The following ZFHX4 variants were observed in gnomAD, a reference collection of about 807,000 sequenced individuals.
The protein encoded by ZFHX4 is zinc finger homeobox protein 4.
Under a neutral mutation model 267.6 loss-of-function variants are expected in ZFHX4, and 56 were observed. That is an observed-to-expected ratio of 0.21 (90% confidence interval 0.17 to 0.26). The LOEUF is 0.26. ZFHX4 is among the 10% of genes least tolerant of loss of function. ZFHX4 has a pLI of 1.00. For missense variants in ZFHX4, 4,332 were observed against 4,420.0 expected (o/e 0.98, Z 0.56); for synonymous variants, 1,778 against 1,665.6 (o/e 1.07, Z -1.64).
chr8:76,815,753 G>C (rs373110088), intron 4 of ZFHX4, among the ~76,000 whole-genome samples: 1 of 152,024 alleles, frequency 6.6e-6, no homozygotes, highest in African/African-American at 2.4e-5. Context: ...CTCCCGCCTT[G>C]GTCTCCCAAA....
intron 3 of ZFHX4, among the ~76,000 whole-genome samples, chr8:76,759,752 T>TA (rs1334518979): frequency 6.6e-6 from 1 of 152,210 alleles, no homozygotes; most frequent in African/African-American, 2.4e-5. Context: ...AAGATGGAAA[T>TA]AAAAAATAAC....
At position 76,704,239 on chromosome 8, in the gene ZFHX4, C is replaced by T; in HGVS notation, c.151C>T (p.Leu51=). ...DRENSSTDDN[L]KTDERKSEAL... ...GGAAAACAGCTCCACAGATGACAAC[C>T]TGAAAACGGATGAGCGCAAAAGTGA... Residue 51 remains leucine (L), a synonymous_variant, in exon 2 of 11, where the codon CTG becomes TTG. Transcript: ENST00000651372. The T allele has an allele frequency of 6.2e-7, 1 of 1,613,964 alleles. No individual in the cohort carries two copies. The highest frequency in any genetic ancestry group is 1.1e-5 in the South Asian group (1 of 91,080).
At chr8:76,795,983 C>T (rs1053130087) in intron 4 of ZFHX4, among the ~76,000 whole-genome samples, 3 of 151,978 alleles carry the variant, frequency 2.0e-5, no homozygotes, top group African/African-American at 7.2e-5. Flanking sequence ...AGGAGGAATT[C>T]AAAGGATTAG....
chr8:76,759,351 T>A (rs571118901), intron 3 of ZFHX4, among the ~76,000 whole-genome samples: 1 of 152,250 alleles, frequency 6.6e-6, no homozygotes, highest in African/African-American at 2.4e-5. Context: ...GGTTACCACT[T>A]ACCTGGGTAG....
rs1299795003 is a variant in ZFHX4, at chr8:76,865,421, T to C, written c.*856T>C. On this transcript the variant is annotated 3_prime_UTR_variant, in exon 11 of 11. Transcript: ENST00000651372. Reference sequence around the variant, plus strand: ...TTTTTCATTTGTGAATTTAATGCTATACTGTCAAGGTACTTGCTTGTGTCT... The same window carrying C: ...TTTTTCATTTGTGAATTTAATGCTACACTGTCAAGGTACTTGCTTGTGTCT... The C allele has an allele frequency of 6.6e-6, 1 of 152,460 alleles. No homozygotes were observed. Among genetic ancestry groups the C allele is most frequent in the African/African-American group, 2.4e-5 (1 of 41,462 alleles). 9.4% of individuals were successfully genotyped at this position (152,460 alleles called of 1,614,324 possible). A position where few individuals can be genotyped will look rare whatever the true frequency, so the allele number is the denominator to read the frequency against.
At chr8:76,805,074 C>G (rs1354349879) in intron 4 of ZFHX4, among the ~76,000 whole-genome samples, 1 of 152,080 alleles carries the variant, frequency 6.6e-6, no homozygotes, top group Non-Finnish European at 1.5e-5. Flanking sequence ...GATTTCTGTT[C>G]TACTAAGGCT....
chr8:76,820,758 T>C (rs1220941550), intron 4 of ZFHX4, among the ~76,000 whole-genome samples: 2 of 152,204 alleles, frequency 1.3e-5, no homozygotes, highest in East Asian at 1.9e-4. Flanking sequence ...TGTTGATAAG[T>C]TTTATTGCTT....
intron 3 of ZFHX4, among the ~76,000 whole-genome samples, chr8:76,739,379 A>T (rs1322161575): frequency 3.9e-5 from 6 of 152,224 alleles, no homozygotes. Context: ...CTAAGAGATC[A>T]TGATATAACT....
chr8:76,739,234 T>C (rs1809252207), intron 3 of ZFHX4, among the ~76,000 whole-genome samples: 2 of 152,152 alleles, frequency 1.3e-5, no homozygotes, highest in South Asian at 4.1e-4. Context: ...TTGTGGTTCC[T>C]TTTTTTAAAA....
chr8:76,713,906 GACC>G (rs1011198089), intron 3 of ZFHX4, among the ~76,000 whole-genome samples: 7 of 150,652 alleles, frequency 4.6e-5, no homozygotes, highest in African/African-American at 9.8e-5. Flanking sequence ...ACACACACAC[GACC>G]ACCACCACCA....
chr8:76,744,929 C>T (rs544752063), intron 3 of ZFHX4, among the ~76,000 whole-genome samples: 18 of 152,206 alleles, frequency 1.2e-4, no homozygotes, highest in African/African-American at 2.4e-5. Flanking sequence ...TATTTCTAGA[C>T]AAGAGCCTGG....
intron 3 of ZFHX4, among the ~76,000 whole-genome samples, chr8:76,715,164 T>C (rs139488556): frequency 1.3e-5 from 2 of 152,180 alleles, no homozygotes; most frequent in Admixed American, 1.3e-4. Flanking sequence ...TTGCTACTAA[T>C]GCATCTCCTA....
intron 4 of ZFHX4, among the ~76,000 whole-genome samples, chr8:76,787,883 A>G (rs1402230462): frequency 6.6e-6 from 1 of 151,842 alleles, no homozygotes; most frequent in Non-Finnish European, 1.5e-5. Flanking sequence ...ATGATTAATA[A>G]TGATGATGAT....
chr8:76,863,560 G>A lies in ZFHX4; in HGVS notation c.9846G>A (p.Val3282=). ...SYFTPQLPGT[V]QGGYFPPVCG... is the part of the protein sequence containing the mutation. ...TTACACCTCAGCTCCCTGGAACAGTGCAGGGGGGATACTTCCCACCTGTCT... is the reference window on the plus strand; with the variant it reads ...TTACACCTCAGCTCCCTGGAACAGTACAGGGGGGATACTTCCCACCTGTCT... The change falls in exon 11 of 11, where the codon GTG becomes GTA. Residue 3282 remains valine, a synonymous_variant. Transcript: ENST00000651372. 6.2e-7 allele frequency: 1 copy of A among 1,613,816 alleles called. No homozygotes were observed. The highest frequency in any genetic ancestry group is 8.5e-7 in the Non-Finnish European group (1 of 1,179,810).
chr8:76,852,902 C>T lies in ZFHX4; in HGVS notation c.5981C>T (p.Pro1994Leu), dbSNP rs1812577802. 1 of 1,611,650 alleles carries T rather than the reference C, an allele frequency of 6.2e-7. No homozygotes were observed. The highest frequency in any genetic ancestry group is 8.5e-7 in the Non-Finnish European group (1 of 1,178,792). The change falls in exon 10 of 11, where the codon CCA becomes CTA. Residue 1994 changes from proline (P) to leucine (L), a missense_variant. By Grantham distance (98) the Pro-to-Leu change is moderately conservative (BLOSUM62 -3). This residue lies in a region of ZFHX4 where 1,371 missense variants were observed against 1,423.1 expected (regional missense o/e 0.96). Coordinates refer to ENST00000651372, the MANE Select transcript of ZFHX4 (RefSeq NM_024721.5). The stretch of plus-strand genomic sequence containing the variant: ...AGGGAGGCCTATGACAAGCTTTATC[C>T]AATTTCTCCATCTTCTCCAGAAACG... ...QYREAYDKLY[P>L]ISPSSPETPP...
At chr8:76,825,485 A>G (rs1238729578) in intron 4 of ZFHX4, among the ~76,000 whole-genome samples, 1 of 152,256 alleles carries the variant, frequency 6.6e-6, no homozygotes, top group Non-Finnish European at 1.5e-5. Flanking sequence ...TCTTTGAACA[A>G]CGTAGGTTTC....
intron 3 of ZFHX4, among the ~76,000 whole-genome samples, chr8:76,757,518 A>G (rs773019161): frequency 6.6e-6 from 1 of 152,156 alleles, no homozygotes; most frequent in Non-Finnish European, 1.5e-5. Context: ...TGGGAGTGCT[A>G]TTGTTAAACT....
At chr8:76,735,060 A>C (rs1022579452) in intron 3 of ZFHX4, among the ~76,000 whole-genome samples, 1 of 152,132 alleles carries the variant, frequency 6.6e-6, no homozygotes, top group Non-Finnish European at 1.5e-5. Flanking sequence ...TGATTGATAG[A>C]TATAATGTGA....
At chr8:76,759,217 A>T (rs1280730847) in intron 3 of ZFHX4, among the ~76,000 whole-genome samples, 1 of 152,190 alleles carries the variant, frequency 6.6e-6, no homozygotes, top group Non-Finnish European at 1.5e-5. Context: ...GCCAAATTAT[A>T]TATTAGAAAG....
Sources: gnomAD v4.1 joint callset for allele counts (sites outside exome capture counted in the v4.1 genomes callset) on GRCh38, gnomAD v4.1.1 for gene constraint, gnomAD v4.1.1 regional missense constraint, MANE v1.5 for transcripts, NCBI Gene and HGNC (gene_info 2026-07-23, HGNC 2026-07-21) for gene names.